SLC18A2: variants seen among roughly 807,000 people sequenced by gnomAD.
SLC18A2 encodes synaptic vesicular amine transporter.
Under a neutral mutation model 59.2 loss-of-function variants are expected in SLC18A2, and 33 were observed. The ratio of observed to expected loss-of-function variants is 0.56; its 90% CI spans 0.42 to 0.75. SLC18A2 has a LOEUF of 0.75. Ranked by LOEUF, SLC18A2 falls within the 30% of genes least tolerant of loss-of-function variation. The pLI, the probability that SLC18A2 is intolerant of heterozygous loss-of-function variation, is 0.00. For synonymous variants in SLC18A2, 228 were observed against 253.5 expected (o/e 0.90, Z 0.95); for missense variants, 569 against 668.6 (o/e 0.85, Z 1.64).
Position 117,241,779 on chromosome 10 carries a change from C to T in SLC18A2, c.86C>T (p.Ala29Val), listed in dbSNP as rs755098533. 1 of 1,611,030 alleles carries T rather than the reference C, an allele frequency of 6.2e-7. No individual in the cohort carries two copies. The highest frequency in any genetic ancestry group is 8.5e-7 in the Non-Finnish European group (1 of 1,179,064). Residue 29 changes from alanine to valine, a missense_variant, in exon 2 of 16, where the codon GCG becomes GTG. This residue lies in a region of SLC18A2 where 377 missense variants were observed against 389.8 expected (regional missense o/e 0.97). Transcript: ENST00000644641. ...CTCATCCTGTTCATCGTGTTCCTGG[C>T]GCTGCTGCTGGACAACATGCTGCTC... ...RKLILFIVFLALLLDNMLLTV... is the reference protein window; with the variant it reads ...RKLILFIVFLVLLLDNMLLTV...
intron 10 of SLC18A2, among the ~76,000 whole-genome samples, chr10:117,265,050 C>T (rs1425532539): frequency 1.3e-5 from 2 of 152,182 alleles, no homozygotes; most frequent in Admixed American, 6.5e-5. Context: ...GTGCTGGGCA[C>T]GTGGCTGTCA....
chr10:117,270,844 A>G (rs1034655785), intron 15 of SLC18A2, among the ~76,000 whole-genome samples: 12 of 152,196 alleles, frequency 7.9e-5, no homozygotes, highest in Non-Finnish European at 1.0e-4. Flanking sequence ...TGCTTTTCTC[A>G]TAACCCTTAC....
Position 117,255,304 on chromosome 10 carries a change from A to G in SLC18A2, c.728A>G (p.Tyr243Cys), listed in dbSNP as rs778521499. Residue 243 changes from tyrosine to cysteine, a missense_variant, in exon 7 of 16, where the codon TAT (tyrosine) becomes TGT (cysteine). Around this residue, in one of 2 missense-constraint regions of SLC18A2, gnomAD observed 377 missense variants for 389.8 expected, o/e 0.97. Transcript: ENST00000644641. ...LVGPPFGSVLYEFVGKTAPFL... is the reference protein window; with the variant it reads ...LVGPPFGSVLCEFVGKTAPFL... ...GGCCCCCCCTTCGGGAGTGTGCTCTATGAGTTTGTGGGGAAGACGGCTCCG... is the reference window on the plus strand; with the variant it reads ...GGCCCCCCCTTCGGGAGTGTGCTCTGTGAGTTTGTGGGGAAGACGGCTCCG... The G allele has an allele frequency of 3.7e-6, 6 of 1,614,090 alleles. No individual in the cohort carries two copies. Among genetic ancestry groups the G allele is most frequent in the Non-Finnish European group, 3.4e-6 (4 of 1,180,004 alleles).
Position 117,255,470 on chromosome 10 carries a change from A to AT in SLC18A2, c.791-3dup. ...AGAGGGGCTTGTCTTTTTTATTTTT[A>AT]TTTTTTAGCTATTCAGCTCTTTGTG... On this transcript the variant is annotated splice_polypyrimidine_tract_variant and intron_variant, in intron 7 of 15. Transcript: ENST00000644641. 1.2e-6 allele frequency: 2 copies of AT among 1,613,460 alleles called. No homozygotes were observed. The highest frequency in any genetic ancestry group is 8.5e-7 in the Non-Finnish European group (1 of 1,179,798).
Position 117,266,817 on chromosome 10 carries a change from A to G in SLC18A2, c.1070+6A>G. On this transcript the variant is annotated splice_donor_region_variant and intron_variant, in intron 11 of 15. Coordinates refer to ENST00000644641, the MANE Select transcript of SLC18A2 (RefSeq NM_003054.6). Reference sequence around the variant, plus strand: ...CTTGCACACAAAATGGGGAGGTAAGATGATATGAAAACAACACTCATTCTG... The same window carrying G: ...CTTGCACACAAAATGGGGAGGTAAGGTGATATGAAAACAACACTCATTCTG... 2 of 1,610,618 alleles carry G rather than the reference A, an allele frequency of 1.2e-6. No individual in the cohort carries two copies. Among genetic ancestry groups the G allele is most frequent in the South Asian group, 1.1e-5 (1 of 90,942 alleles).
At chr10:117,260,965 C>T (rs531260041) in intron 10 of SLC18A2, among the ~76,000 whole-genome samples, 15 of 152,152 alleles carry the variant, frequency 9.9e-5, no homozygotes, top group Non-Finnish European at 1.9e-4. Flanking sequence ...GACTATGGGT[C>T]GTGACTGGCA....
rs932333704 is a variant in SLC18A2 at position 117,278,644 on chromosome 10, G to A, written c.*1378G>A. 1.4e-5 allele frequency: 2 copies of A among 139,194 alleles called. No individual in the cohort carries two copies. The highest frequency in any genetic ancestry group is 5.5e-5 in the African/African-American group (2 of 36,292). The allele number at this position is 139,194 out of a possible 1,614,324, so 8.6% of individuals were successfully genotyped here. Reference sequence around the variant, plus strand: ...TACTTAGTTTCGTTAAGCTAAGATTGTGTTTGTGTTAACTTCGACATCAAG... The same window carrying A: ...TACTTAGTTTCGTTAAGCTAAGATTATGTTTGTGTTAACTTCGACATCAAG... On this transcript the variant is annotated 3_prime_UTR_variant, in exon 16 of 16. Coordinates refer to ENST00000644641, the MANE Select transcript of SLC18A2 (RefSeq NM_003054.6).
intron 3 of SLC18A2, among the ~76,000 whole-genome samples, chr10:117,246,348 A>T (rs1244383558): frequency 6.6e-6 from 1 of 152,136 alleles, no homozygotes; most frequent in African/African-American, 2.4e-5. Context: ...TAAAAATCCC[A>T]TTCTTATTTT....
rs1237857408 is a variant in SLC18A2 at position 117,268,743 on chromosome 10, G to C, written c.1186+1007G>C. 2.6e-5 allele frequency: 4 copies of C among 152,270 alleles called. No homozygotes were observed. In the East Asian group the frequency reaches 7.7e-4, roughly 29 times the overall value. 9.4% of individuals were successfully genotyped at this position (152,270 alleles called of 1,614,324 possible). ...TGTTTCCAAGGTGGAGAATAATAGG[G>C]GGGACCAGAACGCCCCAGAACTCCA... On this transcript the variant is annotated intron_variant, in intron 13 of 15. Transcript: ENST00000644641.
chr10:117,241,355 G>A (rs1338224318), intron 1 of SLC18A2, 135 bp downstream of exon 1: 1 of 207,658 alleles, frequency 4.8e-6, no homozygotes, highest in African/African-American at 2.3e-5. Context: ...CGGGGCGCAG[G>A]GCGCAGGGCG....
chr10:117,266,600 T>A (rs1844351456), intron 10 of SLC18A2, 133 bp from the exon 11 acceptor site: 7 of 693,962 alleles, frequency 1.0e-5, no homozygotes, highest in Non-Finnish European at 1.7e-5. Context: ...CGCCGGATAT[T>A]AGCTGCTGGG....
chr10:117,261,371 G>A (rs368185659), intron 10 of SLC18A2, among the ~76,000 whole-genome samples: 18 of 152,246 alleles, frequency 1.2e-4, no homozygotes, highest in Admixed American at 7.2e-4. Context: ...GCAATGGCGC[G>A]ATCTTGGCTG....
chr10:117,265,257 A>C (rs1241041750), intron 10 of SLC18A2, among the ~76,000 whole-genome samples: 1 of 152,174 alleles, frequency 6.6e-6, no homozygotes, highest in Non-Finnish European at 1.5e-5. Flanking sequence ...GCTGTGTTGG[A>C]AGACTCAGCC....
At chr10:117,249,403 C>T (rs532975233) in intron 3 of SLC18A2, among the ~76,000 whole-genome samples, 4 of 152,368 alleles carry the variant, frequency 2.6e-5, no homozygotes, top group Non-Finnish European at 4.4e-5. Flanking sequence ...TTTTGACAAG[C>T]GGAATCGAAG....
rs754417536 is a variant in SLC18A2 at position 117,277,224 on chromosome 10, G to A, written c.1503G>A (p.Gln501=). 17 of 1,611,594 alleles carry A rather than the reference G, an allele frequency of 1.1e-5. 1 individual carries two copies. Among genetic ancestry groups the A allele is most frequent in the South Asian group, 6.6e-5 (6 of 90,948 alleles). Reference sequence around the variant, plus strand: ...AAATGTACACTCAGAATAATATCCAGTCATATCCGATAGGTGAAGATGAAG... The same window carrying A: ...AAATGTACACTCAGAATAATATCCAATCATATCCGATAGGTGAAGATGAAG... ...KTKMYTQNNI[Q]SYPIGEDEES... is the part of the protein sequence containing the mutation. The change falls in exon 16 of 16, where the codon CAG becomes CAA. Residue 501 remains glutamine (Q), a synonymous_variant. Transcript: ENST00000644641.
chr10:117,273,553 T>A (rs576319562), intron 15 of SLC18A2, among the ~76,000 whole-genome samples: 2 of 152,224 alleles, frequency 1.3e-5, no homozygotes, highest in Non-Finnish European at 2.9e-5. Flanking sequence ...AGCTCTGTTT[T>A]CTGGATGCCA....
chr10:117,275,384 A>T (rs1844474938), intron 15 of SLC18A2, among the ~76,000 whole-genome samples: 1 of 152,230 alleles, frequency 6.6e-6, no homozygotes, highest in South Asian at 2.1e-4. Context: ...TGGGAGTAAT[A>T]GCTAACAGAC....
intron 10 of SLC18A2, among the ~76,000 whole-genome samples, chr10:117,261,857 C>T (rs1844297204): frequency 6.6e-6 from 1 of 152,184 alleles, no homozygotes; most frequent in Admixed American, 6.5e-5. Context: ...ATGATGGTTG[C>T]TCAACTCTGT....
Position 117,255,484 on chromosome 10 carries a change from C to T in SLC18A2, c.796C>T (p.Gln266Ter). The T allele has an allele frequency of 2.5e-6, 4 of 1,614,086 alleles. No individual in the cohort carries two copies. Among genetic ancestry groups the T allele is most frequent in the East Asian group, 2.2e-5 (1 of 44,870 alleles). ...AALVLLDGAI[Q>*]LFVLQPSRVQ... ...TTTTTATTTTTATTTTTTAGCTATTCAGCTCTTTGTGCTCCAGCCGTCCCG... is the reference window on the plus strand; with the variant it reads ...TTTTTATTTTTATTTTTTAGCTATTTAGCTCTTTGTGCTCCAGCCGTCCCG... Residue 266 changes from glutamine to a stop codon, truncating the protein, a stop_gained, in exon 8 of 16, where the codon CAG becomes TAG. Transcript: ENST00000644641. LOFTEE classifies it high-confidence loss of function.
Sources: gnomAD v4.1 joint callset for allele counts (sites outside exome capture counted in the v4.1 genomes callset) on GRCh38, gnomAD v4.1.1 for gene constraint, gnomAD v4.1.1 regional missense constraint, MANE v1.5 for transcripts, NCBI Gene and HGNC (gene_info 2026-07-23, HGNC 2026-07-21) for gene names.